Variants in ASAP1 observed in about 807,000 individuals in gnomAD.
ASAP1 encodes the protein arf-GAP with SH3 domain, ANK repeat and PH domain-containing protein 1.
ASAP1 carries 43 observed loss-of-function variants against 145.2 expected under a neutral mutation model. The observed-to-expected ratio is 0.30, with a 90% CI of 0.23 to 0.38. The LOEUF (loss-of-function observed/expected upper bound fraction) is 0.38. Ranked by LOEUF, ASAP1 falls within the 10% of genes least tolerant of loss-of-function variation. ASAP1 has a pLI of 1.00. For missense variants in ASAP1, 1,018 were observed against 1,355.3 expected (o/e 0.75, Z 3.91); for synonymous variants, 546 against 515.5 (o/e 1.06, Z -0.80).
At chr8:130,381,216 A>G (rs534969494) in intron 2 of ASAP1, among the ~76,000 whole-genome samples, 10 of 152,190 alleles carry the variant, frequency 6.6e-5, no homozygotes, top group African/African-American at 2.4e-4. Flanking sequence ...TTTTGTAGAG[A>G]GGAGGTCTCA....
At chr8:130,142,348 G>A (rs557544602) in intron 13 of ASAP1, among the ~76,000 whole-genome samples, 13 of 152,128 alleles carry the variant, frequency 8.5e-5, no homozygotes, top group Non-Finnish European at 1.9e-4. Context: ...TGAAGCAAAA[G>A]CTCCAAAGAT....
intron 19 of ASAP1, 63 bp downstream of exon 19, chr8:130,118,426 A>C: frequency 6.6e-7 from 1 of 1,508,418 alleles, no homozygotes; most frequent in South Asian, 1.2e-5. Flanking sequence ...ATGTTAAAAT[A>C]AGTCACCTTT....
At chr8:130,383,607 G>T (rs559924035) in intron 2 of ASAP1, among the ~76,000 whole-genome samples, 1 of 152,218 alleles carries the variant, frequency 6.6e-6, no homozygotes, top group Non-Finnish European at 1.5e-5. Context: ...ATGAGGAAAC[G>T]AGGGTCACAG....
chr8:130,220,321 T>C (rs1434148186), intron 4 of ASAP1, among the ~76,000 whole-genome samples: 2 of 152,216 alleles, frequency 1.3e-5, no homozygotes, highest in Non-Finnish European at 2.9e-5. Flanking sequence ...TTGTTGGGTA[T>C]TGACTAAATG....
At chr8:130,177,723 T>C (rs1262225425) in intron 9 of ASAP1, among the ~76,000 whole-genome samples, 1 of 152,214 alleles carries the variant, frequency 6.6e-6, no homozygotes, top group Non-Finnish European at 1.5e-5. Flanking sequence ...CAAATTTATG[T>C]AAACAACAAT....
Position 130,209,805 on chromosome 8 carries a change from G to T in ASAP1, c.405+4751C>A, listed in dbSNP as rs1367626586. The stretch of plus-strand genomic sequence containing the variant: ...TTTTTAGTGGAACACCTTTTTTTTT[G>T]AAAGAAAGACTAGCAAACTATGGTT... On this transcript the variant is annotated intron_variant, in intron 5 of 29. Coordinates refer to ENST00000518721, the MANE Select transcript of ASAP1 (RefSeq NM_018482.4). 4.0e-5 allele frequency among the ~76,000 whole-genome samples: 6 copies of T among 148,728 alleles called. No homozygotes were observed. In the South Asian group the frequency reaches 1.1e-3, roughly 26 times the overall value.
At chr8:130,151,919 G>C (rs545400439) in intron 13 of ASAP1, among the ~76,000 whole-genome samples, 4 of 152,308 alleles carry the variant, frequency 2.6e-5, no homozygotes, top group Admixed American at 2.6e-4. Flanking sequence ...AGTTACAGCT[G>C]TTCTTTGTGC....
intron 2 of ASAP1, among the ~76,000 whole-genome samples, chr8:130,364,913 G>A (rs1355334535): frequency 2.6e-5 from 4 of 152,066 alleles, no homozygotes; most frequent in Admixed American, 2.6e-4. Flanking sequence ...ACTCCAGCCT[G>A]GACAACAGAG....
At chr8:130,261,964 GTATAAAACTTAACTGCTAGACAATA>G (rs1275403687) in intron 3 of ASAP1, among the ~76,000 whole-genome samples, 1 of 151,866 alleles carries the variant, frequency 6.6e-6, no homozygotes, top group African/African-American at 2.4e-5. Flanking sequence ...TGGTAAACAG[GTATAAAACTTAACTGCTAGACAATA>G]TATAAATATA....
At chr8:130,107,130 A>T (rs1265328386) in intron 24 of ASAP1, among the ~76,000 whole-genome samples, 1 of 149,460 alleles carries the variant, frequency 6.7e-6, no homozygotes, top group Admixed American at 6.6e-5. Context: ...TGAGACAAGT[A>T]TGGGGCAGGA....
rs1194014052 is a variant in ASAP1 at position 130,214,470 on chromosome 8, G to T, written c.405+86C>A. On this transcript the variant is annotated intron_variant, in intron 5 of 29. Transcript: ENST00000518721. The stretch of plus-strand genomic sequence containing the variant: ...CTCACCCCTAGGACCAAGGATTGAG[G>T]GGGAAGGATTATTGAAATGTTCTCT... The T allele has an allele frequency of 2.3e-6, 3 of 1,312,362 alleles. No individual in the cohort carries two copies. In the East Asian group the frequency reaches 7.9e-5, roughly 34 times the overall value. 81.3% of individuals were successfully genotyped at this position (1,312,362 alleles called of 1,614,324 possible). A position where few individuals can be genotyped will look rare whatever the true frequency, so the allele number is the denominator to read the frequency against.
chr8:130,237,003 GA>G lies in ASAP1; in HGVS notation c.187-10del. 1.9e-6 allele frequency: 3 copies of G among 1,551,944 alleles called. No homozygotes were observed. Among genetic ancestry groups the G allele is most frequent in the Non-Finnish European group, 2.6e-6 (3 of 1,147,780 alleles). On this transcript the variant is annotated splice_polypyrimidine_tract_variant and intron_variant, in intron 3 of 29. Transcript: ENST00000518721. ...CTATCTTGGTCTAGAGCCTAAAAGA[GA>G]AAAAAGGGGGAAAAGATATTAGAAG... is the stretch of plus-strand genomic sequence containing the variant.
intron 3 of ASAP1, among the ~76,000 whole-genome samples, chr8:130,251,574 T>C (rs1819200894): frequency 6.6e-6 from 1 of 152,060 alleles, no homozygotes; most frequent in Non-Finnish European, 1.5e-5. Flanking sequence ...ATAATTGTAA[T>C]CAATTTTTAT....
chr8:130,154,656 C>G (rs1180951576), intron 12 of ASAP1, among the ~76,000 whole-genome samples: 1 of 152,166 alleles, frequency 6.6e-6, no homozygotes, highest in Non-Finnish European at 1.5e-5. Flanking sequence ...AAAGCTGCCA[C>G]AACACAAATT....
chr8:130,400,755 C>A (rs1289438435), intron 2 of ASAP1, among the ~76,000 whole-genome samples: 2 of 147,106 alleles, frequency 1.4e-5, no homozygotes, highest in Admixed American at 6.9e-5. Context: ...AGCGCCACTG[C>A]GCTCCAGCCT....
intron 9 of ASAP1, among the ~76,000 whole-genome samples, chr8:130,170,884 C>CA (rs1813549537): frequency 6.6e-6 from 1 of 151,966 alleles, no homozygotes; most frequent in African/African-American, 2.4e-5. Flanking sequence ...ATGCCTGGCT[C>CA]ATTTTTATTT....
At chr8:130,276,728 A>ACACTCTCTCTCTCTCT (rs548512902) in intron 3 of ASAP1, among the ~76,000 whole-genome samples, 217 of 87,288 alleles carry the variant, frequency 2.5e-3, no homozygotes, top group East Asian at 8.4e-3. Flanking sequence ...ACACACACAC[A>ACACTCTCTCTCTCTCT]CTCTCTCTCT....
rs190464663 is a variant in ASAP1 at position 130,274,599 on chromosome 8, C to T, written c.187-37605G>A. On this transcript the variant is annotated intron_variant, in intron 3 of 29. Transcript: ENST00000518721. ...CAACCTCTGCCTCTCTTCTCACTAT[C>T]GCATTCATTGTTGAGGATGTATCTT... 1.8e-4 allele frequency among the ~76,000 whole-genome samples: 27 copies of T among 152,328 alleles called. No homozygotes were observed. The East Asian group carries it at 3.3e-3, about 19-fold the overall frequency.
chr8:130,431,814 G>T (rs1830143568), intron 1 of ASAP1, among the ~76,000 whole-genome samples: 1 of 149,946 alleles, frequency 6.7e-6, no homozygotes, highest in African/African-American at 2.5e-5. Flanking sequence ...AGACAGAAGG[G>T]GAAGAGTAGG....
Sources: gnomAD v4.1 joint callset for allele counts (sites outside exome capture counted in the v4.1 genomes callset) on GRCh38, gnomAD v4.1.1 for gene constraint, MANE v1.5 for transcripts, NCBI Gene and HGNC (gene_info 2026-07-23, HGNC 2026-07-21) for gene names.